The following GRIA4 variants were observed in gnomAD, a reference collection of about 807,000 sequenced individuals.
GRIA4 encodes glutamate receptor 4.
A neutral mutation model predicts 104.0 loss-of-function variants in GRIA4; 34 were observed. The ratio of observed to expected loss-of-function variants is 0.33; its 90% CI spans 0.25 to 0.44. The LOEUF (loss-of-function observed/expected upper bound fraction) is 0.44. Among genes scored for constraint, GRIA4 ranks in the 20% least tolerant of loss-of-function variants. The probability of loss-of-function intolerance (pLI) is 1.00; values close to 1 mark genes in which losing one functional copy is unlikely to be tolerated. For missense variants in GRIA4, 750 were observed against 1,096.5 expected (o/e 0.68, Z 4.46); for synonymous variants, 386 against 381.9 (o/e 1.01, Z -0.13).
At chr11:105,934,468 C>T (rs896573370) in intron 14 of GRIA4, among the ~76,000 whole-genome samples, 12 of 151,956 alleles carry the variant, frequency 7.9e-5, no homozygotes, top group African/African-American at 2.9e-4. Flanking sequence ...TGTATTCATG[C>T]TAAGTTTGAA....
At chr11:105,959,187 T>C (rs1374919282) in intron 14 of GRIA4, among the ~76,000 whole-genome samples, 1 of 152,222 alleles carries the variant, frequency 6.6e-6, no homozygotes, top group Non-Finnish European at 1.5e-5. Context: ...TTCTCCTGGA[T>C]AATATCCTGA....
rs1467822811 is a variant in GRIA4, at chr11:105,610,905, T to C, written c.-90-3T>C. On this transcript the variant is annotated splice_region_variant and splice_polypyrimidine_tract_variant and intron_variant, in intron 1 of 16. Coordinates refer to ENST00000282499, the MANE Select transcript of GRIA4 (RefSeq NM_000829.4). ...TTTTTTTTTTGGTTGATTTTAATTT[T>C]AGCGCCATCGTCTTCAATGCTTCTC... 2.0e-6 allele frequency: 1 copy of C among 502,812 alleles called. No individual in the cohort carries two copies. The highest frequency in any genetic ancestry group is 3.5e-6 in the Non-Finnish European group (1 of 286,428). 31.1% of individuals were successfully genotyped at this position (502,812 alleles called of 1,614,324 possible).
At chr11:105,731,687 T>C (rs1368540338) in intron 3 of GRIA4, among the ~76,000 whole-genome samples, 1 of 152,146 alleles carries the variant, frequency 6.6e-6, no homozygotes, top group Non-Finnish European at 1.5e-5. Flanking sequence ...CATGGAATAC[T>C]ATACAGCCAT....
intron 3 of GRIA4, among the ~76,000 whole-genome samples, chr11:105,712,866 A>T (rs558338756): frequency 1.3e-4 from 20 of 152,076 alleles, no homozygotes; most frequent in Non-Finnish European, 2.8e-4. Flanking sequence ...AAAGAAAAAA[A>T]ATATAAAGAG....
At chr11:105,767,805 C>T (rs1941020251) in intron 4 of GRIA4, among the ~76,000 whole-genome samples, 1 of 152,020 alleles carries the variant, frequency 6.6e-6, no homozygotes, top group Non-Finnish European at 1.5e-5. Context: ...GATTAAAAAC[C>T]TCATCCAACT....
chr11:105,893,862 C>G (rs1172011623), intron 6 of GRIA4, among the ~76,000 whole-genome samples: 1 of 152,136 alleles, frequency 6.6e-6, no homozygotes, highest in East Asian at 1.9e-4. Flanking sequence ...AGAAGCAAAC[C>G]AATGTTCAAC....
intron 3 of GRIA4, among the ~76,000 whole-genome samples, chr11:105,637,793 A>G (rs1338552344): frequency 6.6e-6 from 1 of 152,172 alleles, no homozygotes; most frequent in Admixed American, 6.5e-5. Flanking sequence ...TTTTTACTTT[A>G]ACAAGTAGGT....
At chr11:105,675,159 T>G (rs990570224) in intron 3 of GRIA4, among the ~76,000 whole-genome samples, 1 of 151,890 alleles carries the variant, frequency 6.6e-6, no homozygotes, top group African/African-American at 2.4e-5. Context: ...TTTCTACTTT[T>G]AAGTAATTAG....
chr11:105,778,542 T>C (rs1941559906), intron 4 of GRIA4, among the ~76,000 whole-genome samples: 1 of 152,064 alleles, frequency 6.6e-6, no homozygotes, highest in Admixed American at 6.6e-5. Context: ...CCGTTTCTAT[T>C]AAAAATACGA....
Position 105,905,200 on chromosome 11 carries a change from C to T in GRIA4, c.1057C>T (p.Arg353Ter). ...TGTGGTTTTCTTTTTCACTTAGGTT[C>T]GAATTCAAGGGCTGACAGGGAATGT... ...IDMERTLKQV[R>*]IQGLTGNVQF... is the part of the protein sequence containing the mutation. Residue 353 changes from arginine (R) to a stop codon, truncating the protein, a stop_gained, in exon 9 of 17, where the codon CGA becomes TGA. Coordinates refer to ENST00000282499, the MANE Select transcript of GRIA4 (RefSeq NM_000829.4). LOFTEE classifies it high-confidence loss of function. The T allele has an allele frequency of 2.5e-6, 4 of 1,580,350 alleles. No homozygotes were observed. Among genetic ancestry groups the T allele is most frequent in the Non-Finnish European group, 3.5e-6 (4 of 1,149,828 alleles).
At chr11:105,961,009 G>GT (rs1165794106) in intron 14 of GRIA4, among the ~76,000 whole-genome samples, 3 of 152,030 alleles carry the variant, frequency 2.0e-5, no homozygotes, top group Non-Finnish European at 4.4e-5. Flanking sequence ...GGCTTATTAT[G>GT]TTTTTTTCCG....
At chr11:105,652,757 A>G (rs1038187583) in intron 3 of GRIA4, among the ~76,000 whole-genome samples, 2 of 152,196 alleles carry the variant, frequency 1.3e-5, no homozygotes, top group African/African-American at 4.8e-5. Context: ...AATACATTCC[A>G]AGACCTGCAG....
intron 3 of GRIA4, among the ~76,000 whole-genome samples, chr11:105,615,567 A>C (rs535625292): frequency 6.6e-6 from 1 of 152,028 alleles, no homozygotes; most frequent in African/African-American, 2.4e-5. Flanking sequence ...AATTACAAGT[A>C]TACATTTTTT....
intron 4 of GRIA4, among the ~76,000 whole-genome samples, chr11:105,758,777 A>G (rs1940455159): frequency 6.6e-6 from 1 of 152,224 alleles, no homozygotes; most frequent in Admixed American, 6.5e-5. Context: ...GGAAAGTAGT[A>G]ACTTACTATT....
chr11:105,627,295 GA>G (rs1420520443), intron 3 of GRIA4, among the ~76,000 whole-genome samples: 1 of 152,098 alleles, frequency 6.6e-6, no homozygotes, highest in Non-Finnish European at 1.5e-5. Flanking sequence ...GGGTAGGGGG[GA>G]TGGCAGGTAG....
chr11:105,696,556 T>C lies in GRIA4; in HGVS notation c.248-56425T>C, dbSNP rs964169776. On this transcript the variant is annotated intron_variant, in intron 3 of 16. Coordinates refer to ENST00000282499, the MANE Select transcript of GRIA4 (RefSeq NM_000829.4). ...TGTTGTCTATTAAACGTTTTTAAAA[T>C]TTAATAATAATAAGCATTCTATTAA... Among the ~76,000 whole-genome samples, 14 of 152,278 alleles carry C rather than the reference T, an allele frequency of 9.2e-5. No individual in the cohort carries two copies. In the South Asian group the frequency reaches 2.7e-3, roughly 29 times the overall value.
chr11:105,716,163 A>C (rs1954082095), intron 3 of GRIA4, among the ~76,000 whole-genome samples: 2 of 152,190 alleles, frequency 1.3e-5, no homozygotes, highest in South Asian at 4.1e-4. Flanking sequence ...ATATGCAAGA[A>C]CTTATCTATA....
chr11:105,686,089 G>T (rs1952872628), intron 3 of GRIA4, among the ~76,000 whole-genome samples: 1 of 152,080 alleles, frequency 6.6e-6, no homozygotes, highest in Non-Finnish European at 1.5e-5. Flanking sequence ...TTTTATTTTA[G>T]ATTCAGGAGG....
chr11:105,889,030 A>G (rs1233279582), intron 6 of GRIA4, among the ~76,000 whole-genome samples: 2 of 152,206 alleles, frequency 1.3e-5, no homozygotes, highest in Non-Finnish European at 2.9e-5. Flanking sequence ...AGTGAAATGT[A>G]CAATGAGACT....
Sources: allele counts gnomAD v4.1 joint callset (sites outside exome capture counted in the v4.1 genomes callset), GRCh38; gene constraint gnomAD v4.1.1; transcripts MANE v1.5; gene names NCBI Gene and HGNC (gene_info 2026-07-23, HGNC 2026-07-21).